RARB: variants seen among roughly 807,000 people sequenced by gnomAD.
RARB encodes HBV-activated protein.
In RARB, 17 loss-of-function variants were observed where a neutral mutation model predicts 51.9. That is an observed-to-expected ratio of 0.33 (90% CI 0.22 to 0.49). RARB has a LOEUF of 0.49. Ranked by LOEUF, RARB falls within the 20% of genes least tolerant of loss-of-function variation. RARB has a pLI of 0.99. For synonymous variants in RARB, 215 were observed against 195.4 expected (o/e 1.10, Z -0.84); for missense variants, 369 against 550.8 (o/e 0.67, Z 3.30).
At chr3:25,509,400 C>G (rs961950498) in intron 3 of RARB, among the ~76,000 whole-genome samples, 6 of 152,296 alleles carry the variant, frequency 3.9e-5, no homozygotes, top group African/African-American at 1.4e-4. Flanking sequence ...TTGCTGCTGC[C>G]ACAGCTGTGT....
At chr3:24,996,386 TTTTG>T (rs1697039860) in intron 2 of RARB, among the ~76,000 whole-genome samples, 1 of 152,076 alleles carries the variant, frequency 6.6e-6, no homozygotes, top group African/African-American at 2.4e-5. Flanking sequence ...GATTTGTAAA[TTTTG>T]TTTATCTTTT....
intron 5 of RARB, among the ~76,000 whole-genome samples, chr3:25,296,240 T>C (rs1230985647): frequency 6.6e-6 from 1 of 152,088 alleles, no homozygotes; most frequent in East Asian, 1.9e-4. Flanking sequence ...AAACCCACAG[T>C]AGAAAATTCA....
chr3:25,231,899 G>C (rs981613016), intron 5 of RARB, among the ~76,000 whole-genome samples: 2 of 151,940 alleles, frequency 1.3e-5, no homozygotes, highest in Non-Finnish European at 2.9e-5. Context: ...CAGAGCAAAA[G>C]CTCCTAATTT....
chr3:25,340,206 T>C (rs1359123420), intron 5 of RARB, among the ~76,000 whole-genome samples: 3 of 152,114 alleles, frequency 2.0e-5, no homozygotes, highest in Non-Finnish European at 1.5e-5. Flanking sequence ...TACAAAGGAC[T>C]CTGAAAGACT....
intron 2 of RARB, among the ~76,000 whole-genome samples, chr3:24,871,206 T>G (rs1702941068): frequency 1.3e-5 from 2 of 152,184 alleles, no homozygotes; most frequent in Admixed American, 1.3e-4. Flanking sequence ...AGTAACACCT[T>G]ATTAGGTTAA....
At chr3:24,922,648 G>C (rs1334874425) in intron 2 of RARB, among the ~76,000 whole-genome samples, 2 of 152,140 alleles carry the variant, frequency 1.3e-5, no homozygotes, top group Non-Finnish European at 2.9e-5. Flanking sequence ...CTCATGGGTG[G>C]TAGAAAAAAG....
chr3:25,396,510 T>A (rs1256872665), intron 5 of RARB, among the ~76,000 whole-genome samples: 1 of 152,154 alleles, frequency 6.6e-6, no homozygotes, highest in Non-Finnish European at 1.5e-5. Flanking sequence ...GAAGAGAGCA[T>A]CAGCTGTGGT....
In RARB at chr3:25,580,608, G is replaced by A. The variant is rs111403365; in HGVS notation, c.672G>A (p.Leu224=). The change falls in exon 5 of 8, where the codon CTG becomes CTA. Residue 224 remains leucine, a synonymous_variant. Transcript: ENST00000330688. Reference sequence around the variant, plus strand: ...GCCTCTGGGACAAATTCAGTGAACTGGCCACCAAGTGCATTATTAAGATCG... The same window carrying A: ...GCCTCTGGGACAAATTCAGTGAACTAGCCACCAAGTGCATTATTAAGATCG... ...DLGLWDKFSE[L]ATKCIIKIVE... is the part of the protein sequence containing the mutation. 1.9e-6 allele frequency: 3 copies of A among 1,612,182 alleles called. No homozygotes were observed. In the South Asian group the frequency reaches 3.3e-5, roughly 18 times the overall value.
intron 2 of RARB, among the ~76,000 whole-genome samples, chr3:24,890,558 G>A (rs1275045659): frequency 6.6e-6 from 1 of 152,120 alleles, no homozygotes; most frequent in Non-Finnish European, 1.5e-5. Context: ...AAATCAGCCT[G>A]GGGAGGGTAG....
At chr3:24,836,135 G>A (rs1702342156) in intron 1 of RARB, among the ~76,000 whole-genome samples, 1 of 152,180 alleles carries the variant, frequency 6.6e-6, no homozygotes, top group Non-Finnish European at 1.5e-5. Flanking sequence ...TGCTAGATCT[G>A]AGCAGAAGAG....
chr3:25,407,174 A>G (rs1707432648), intron 5 of RARB, among the ~76,000 whole-genome samples: 1 of 152,312 alleles, frequency 6.6e-6, no homozygotes, highest in South Asian at 2.1e-4. Context: ...CCCACTGCCT[A>G]TAGTCCAGTA....
chr3:24,986,590 C>T (rs948676268), intron 2 of RARB, among the ~76,000 whole-genome samples: 3 of 152,156 alleles, frequency 2.0e-5, no homozygotes, highest in African/African-American at 4.8e-5. Context: ...AATTTGTCTT[C>T]TCTGGATTCT....
chr3:25,033,933 A>T (rs1177907713), intron 2 of RARB, among the ~76,000 whole-genome samples: 1 of 152,136 alleles, frequency 6.6e-6, no homozygotes, highest in Non-Finnish European at 1.5e-5. Context: ...TTGAAAGTAG[A>T]TGCTTTAAAT....
chr3:24,881,954 T>A (rs546631133), intron 2 of RARB, among the ~76,000 whole-genome samples: 1 of 152,256 alleles, frequency 6.6e-6, no homozygotes, highest in African/African-American at 2.4e-5. Context: ...GGAAAACAGT[T>A]TTATGAAAAA....
intron 3 of RARB, among the ~76,000 whole-genome samples, chr3:25,514,547 T>G (rs1162972151): frequency 6.6e-6 from 1 of 152,222 alleles, no homozygotes; most frequent in Non-Finnish European, 1.5e-5. Context: ...TCAAAATGAT[T>G]TTAGGACACA....
chr3:25,040,951 A>G (rs1698101814), intron 2 of RARB, among the ~76,000 whole-genome samples: 1 of 152,218 alleles, frequency 6.6e-6, no homozygotes, highest in Non-Finnish European at 1.5e-5. Flanking sequence ...CTTTGAGGGC[A>G]AAAGTTTTTG....
chr3:25,090,629 C>T (rs995397166), intron 3 of RARB, among the ~76,000 whole-genome samples: 1 of 152,096 alleles, frequency 6.6e-6, no homozygotes, highest in Admixed American at 6.6e-5. Flanking sequence ...CTTTGGGATA[C>T]AGCCCTTAAT....
intron 2 of RARB, among the ~76,000 whole-genome samples, chr3:25,466,466 G>T (rs1200950243): frequency 6.6e-6 from 1 of 152,156 alleles, no homozygotes; most frequent in Non-Finnish European, 1.5e-5. Flanking sequence ...AAAATGCTGG[G>T]ATTACAGGCG....
chr3:24,857,247 T>G (rs540589639), intron 1 of RARB, among the ~76,000 whole-genome samples: 3 of 152,298 alleles, frequency 2.0e-5, no homozygotes, highest in Middle Eastern at 3.4e-3. Context: ...ATTCCTCAGA[T>G]GGGAGAACTG....
Sources: gnomAD v4.1 joint callset for allele counts (sites outside exome capture counted in the v4.1 genomes callset) on GRCh38, gnomAD v4.1.1 for gene constraint, MANE v1.5 for transcripts, NCBI Gene and HGNC (gene_info 2026-07-23, HGNC 2026-07-21) for gene names.